EIF4G1: variants seen among roughly 807,000 people sequenced by gnomAD.
EIF4G1 encodes eukaryotic translation initiation factor 4 gamma 1, also known as EIF4-gamma.
Under a neutral mutation model 187.8 loss-of-function variants are expected in EIF4G1, and 4 were observed. That is an observed-to-expected ratio of 0.02 (90% CI 0.01 to 0.05). The LOEUF is 0.05. Ranked by LOEUF, EIF4G1 falls within the 10% of genes least tolerant of loss-of-function variation. The probability of loss-of-function intolerance (pLI) is 1.00; values close to 1 mark genes in which losing one functional copy is unlikely to be tolerated. For missense variants in EIF4G1, 1,647 were observed against 2,081.1 expected, an observed-to-expected ratio of 0.79 and a Z score of 4.06; for synonymous variants, 844 against 781.4, an observed-to-expected ratio of 1.08 and a Z score of -1.34.
chr3:184,325,404 C>T lies in EIF4G1; in HGVS notation c.2961+31C>T, dbSNP rs201771976. ...TGTCCCCCTCCTCCCCACTGCCAGC[C>T]TGCTGCCTCCAGTTTCTGACACTGC... is the stretch of plus-strand genomic sequence containing the variant. On this transcript the variant is annotated intron_variant, in intron 19 of 32. Coordinates refer to ENST00000346169, the MANE Select transcript of EIF4G1 (RefSeq NM_198241.3). The surrounding 1 kb of genome is among the most constrained non-coding windows in gnomAD (Gnocchi z 5.2). 9.9e-6 allele frequency: 16 copies of T among 1,614,152 alleles called. No individual in the cohort carries two copies. In the African/African-American group the frequency reaches 2.1e-4, roughly 22 times the overall value.
chr3:184,315,409 C>G, intron 1 of EIF4G1, 80 bp from the exon 2 acceptor site: 1 of 537,954 alleles, frequency 1.9e-6, no homozygotes, highest in Non-Finnish European at 3.7e-6. Context: ...GAGCCTGGTG[C>G]CAGCGAGACC....
At chr3:184,328,152 G>A (rs1725311114) in intron 26 of EIF4G1, 150 bp downstream of exon 26, 2 of 893,468 alleles carry the variant, frequency 2.2e-6, no homozygotes, top group Non-Finnish European at 3.6e-6. Context: ...GGGAGGCCAA[G>A]GTGGGTTGGA....
Position 184,327,662 on chromosome 3 carries a change from C to T in EIF4G1, c.3738C>T (p.Ser1246=), listed in dbSNP as rs1266594895. ...CTGAGGAGGAGTTAGAGAAGAAATC[C>T]AAGGCTATCATTGAGGAATATCTCC... ...ALSEEELEKK[S]KAIIEEYLHL... Residue 1246 remains serine (S), a synonymous_variant, in exon 25 of 33, where the codon TCC becomes TCT. Coordinates refer to ENST00000346169, the MANE Select transcript of EIF4G1 (RefSeq NM_198241.3). The T allele has an allele frequency of 6.2e-7, 1 of 1,614,204 alleles. No homozygotes were observed. Among genetic ancestry groups the T allele is most frequent in the Non-Finnish European group, 8.5e-7 (1 of 1,180,026 alleles).
chr3:184,328,444 T>G, intron 26 of EIF4G1, 187 bp from the exon 27 acceptor site: 1 of 833,630 alleles, frequency 1.2e-6, no homozygotes, highest in Non-Finnish European at 2.0e-6. Context: ...TCAGCATAAC[T>G]TTAGGGGGTT....
Position 184,327,398 on chromosome 3 carries a change from T to C in EIF4G1, c.3611T>C (p.Leu1204Pro), listed in dbSNP as rs760746597. 109 of 1,613,566 alleles carry C rather than the reference T, an allele frequency of 6.8e-5. No individual in the cohort carries two copies. The highest frequency in any genetic ancestry group is 9.0e-5 in the Non-Finnish European group (106 of 1,180,026). The change falls in exon 24 of 33, where the codon CTG (leucine) becomes CCG (proline). Residue 1204 changes from leucine to proline, a missense_variant. Around this residue, in one of 11 missense-constraint regions of EIF4G1, gnomAD observed 543 missense variants for 638.0 expected, o/e 0.85. Coordinates refer to ENST00000346169, the MANE Select transcript of EIF4G1 (RefSeq NM_198241.3). ...SRERPSQPEG[L>P]RKAASLTEDR... ...GAACGGCCCTCCCAGCCTGAGGGGC[T>C]GCGCAAGGCAGCTAGCCTCACGGAG...
Position 184,321,376 on chromosome 3 carries a change from G to A in EIF4G1, c.792G>A (p.Pro264=), listed in dbSNP as rs368478190. 84 of 1,613,892 alleles carry A rather than the reference G, an allele frequency of 5.2e-5. No individual in the cohort carries two copies. Among genetic ancestry groups the A allele is most frequent in the South Asian group, 1.6e-4 (15 of 91,076 alleles). Residue 264 remains proline (P), a synonymous_variant, in exon 10 of 33, where the codon CCG becomes CCA. Transcript: ENST00000346169. ...AATCCCAGCCTTCGTCGCCTTCTCC[G>A]ACCCCATCACCATCCCCAGTCTTGG... ...PSESQPSSPS[P]TPSPSPVLEP...
At chr3:184,320,243 G>A in intron 7 of EIF4G1, 1 of 1,217,510 alleles carries the variant, frequency 8.2e-7, no homozygotes, top group Non-Finnish European at 1.0e-6. Flanking sequence ...AGTCACCCTG[G>A]CTCCACCTAC....
In EIF4G1 at chr3:184,315,927, A is replaced by G. The variant is rs896301627; in HGVS notation, c.60+71A>G. On this transcript the variant is annotated intron_variant, in intron 3 of 32. Transcript: ENST00000346169. Reference sequence around the variant, plus strand: ...CAGTCTCCAGCCTCTGGATCTTCCTACCCCCATCTGTGTCAGGGCAAAGTG... The same window carrying G: ...CAGTCTCCAGCCTCTGGATCTTCCTGCCCCCATCTGTGTCAGGGCAAAGTG... 3.3e-4 allele frequency: 504 copies of G among 1,513,022 alleles called. 1 individual carries two copies. Among genetic ancestry groups the G allele is most frequent in the Non-Finnish European group, 4.3e-4 (485 of 1,119,948 alleles). The allele number at this position is 1,513,022 out of a possible 1,614,324, so 93.7% of individuals were successfully genotyped here. A position where few individuals can be genotyped will look rare whatever the true frequency, so the allele number is the denominator to read the frequency against.
chr3:184,321,233 C>T (rs544623962), intron 9 of EIF4G1, 49 bp from the exon 10 acceptor site: 1 of 1,608,420 alleles, frequency 6.2e-7, no homozygotes, highest in African/African-American at 1.3e-5. Context: ...GGAACAACAG[C>T]AGTTAAGCAC....
In EIF4G1 at chr3:184,334,833, G is replaced by A. The variant is rs1726835094; in HGVS notation, c.4725G>A (p.Lys1575=). 1 of 1,614,104 alleles carries A rather than the reference G, an allele frequency of 6.2e-7. No individual in the cohort carries two copies. The highest frequency in any genetic ancestry group is 1.7e-5 in the Admixed American group (1 of 60,012). Residue 1575 remains lysine (K), a synonymous_variant, in exon 33 of 33, where the codon AAG becomes AAA. Transcript: ENST00000346169. The surrounding 1 kb of genome is among the most constrained non-coding windows in gnomAD (Gnocchi z 5.8). ...SSKDPAEQQG[K]GVALKSVTAF... ...AGGACCCCGCTGAGCAGCAGGGCAAGGGTGTGGCCCTTAAATCTGTCACAG... is the reference window on the plus strand; with the variant it reads ...AGGACCCCGCTGAGCAGCAGGGCAAAGGTGTGGCCCTTAAATCTGTCACAG...
Position 184,321,738 on chromosome 3 carries a change from C to G in EIF4G1, c.1154C>G (p.Ala385Gly). 1.3e-6 allele frequency: 2 copies of G among 1,598,732 alleles called. No homozygotes were observed. The highest frequency in any genetic ancestry group is 4.5e-5 in the East Asian group (2 of 44,648). ...AGCCCAGAGCTTGCTCCTCCCCCAGCTTGCCCCTCCGAATCCCCTGTGCCC... is the reference window on the plus strand; with the variant it reads ...AGCCCAGAGCTTGCTCCTCCCCCAGGTTGCCCCTCCGAATCCCCTGTGCCC... ...ESSPELAPPP[A>G]CPSESPVPIA... The change falls in exon 10 of 33, where the codon GCT (alanine) becomes GGT (glycine). Residue 385 changes from alanine (A) to glycine (G), a missense_variant. By Grantham distance (60) the Ala-to-Gly change is moderately conservative. Around this residue, in one of 11 missense-constraint regions of EIF4G1, gnomAD observed 522 missense variants for 485.2 expected, o/e 1.08. Transcript: ENST00000346169.
In EIF4G1 at chr3:184,322,961, G is replaced by C; in HGVS notation, c.1929+7G>C. On this transcript the variant is annotated splice_region_variant and intron_variant, in intron 13 of 32. Transcript: ENST00000346169. Reference sequence around the variant, plus strand: ...TGACGTGGTGCTGGACAAGGTTAGTGGCTTCAGTTGGGGAGGGGACGATAA... The same window carrying C: ...TGACGTGGTGCTGGACAAGGTTAGTCGCTTCAGTTGGGGAGGGGACGATAA... The C allele has an allele frequency of 6.2e-7, 1 of 1,614,194 alleles. No homozygotes were observed. Among genetic ancestry groups the C allele is most frequent in the Non-Finnish European group, 8.5e-7 (1 of 1,180,030 alleles).
intron 22 of EIF4G1, 24 bp from the exon 23 acceptor site, chr3:184,326,857 A>G (rs1319102819): frequency 1.9e-6 from 3 of 1,613,480 alleles, no homozygotes; most frequent in Non-Finnish European, 2.5e-6. Context: ...AAAAGATTTT[A>G]ATACGGATTT....
chr3:184,324,470 GT>G (rs940380216), intron 17 of EIF4G1, 123 bp downstream of exon 17: 6 of 1,456,798 alleles, frequency 4.1e-6, no homozygotes, highest in Admixed American at 1.8e-5. Flanking sequence ...GGCTCAGGAC[GT>G]TTTTTTTCCT....
rs558090090 is a variant in EIF4G1 at position 184,323,971 on chromosome 3, C to T, written c.2466C>T (p.Leu822=). 27 of 1,613,818 alleles carry T rather than the reference C, an allele frequency of 1.7e-5. 1 individual carries two copies. The African/African-American group carries it at 2.1e-4, about 13-fold the overall frequency. The change falls in exon 16 of 33, where the codon CTC becomes CTT. Residue 822 remains leucine, a synonymous_variant. Coordinates refer to ENST00000346169, the MANE Select transcript of EIF4G1 (RefSeq NM_198241.3). The surrounding 1 kb of genome is among the most constrained non-coding windows in gnomAD (Gnocchi z 6.9). The part of the protein sequence containing the change: ...SVAYANMCRC[L]MALKVPTTEK... ...CCTATGCCAACATGTGCCGCTGCCT[C>T]ATGGCGGTTAGTTTCCAGTGGGTTC... is the stretch of plus-strand genomic sequence containing the variant.
At chr3:184,330,229 A>G (rs995084937) in intron 28 of EIF4G1, among the ~76,000 whole-genome samples, 5 of 152,140 alleles carry the variant, frequency 3.3e-5, no homozygotes, top group African/African-American at 9.7e-5. Context: ...ATACAAAAAA[A>G]TTAGCTGGAC....
In EIF4G1 at chr3:184,331,371, G is replaced by A. The variant is rs981510541; in HGVS notation, c.4260+7G>A. On this transcript the variant is annotated splice_region_variant and intron_variant, in intron 29 of 32. Transcript: ENST00000346169. ...TGCATTCGTCGCTGAACAGGTTTGG[G>A]GATGGAGTTGGGTTAATTCTAGCAT... The A allele has an allele frequency of 4.3e-6, 7 of 1,614,068 alleles. No homozygotes were observed. Among genetic ancestry groups the A allele is most frequent in the Non-Finnish European group, 5.9e-6 (7 of 1,180,042 alleles).
At position 184,319,674 on chromosome 3, in the gene EIF4G1, C is replaced by A. The variant is rs777071888; in HGVS notation, c.425-15C>A. The A allele has an allele frequency of 8.0e-6, 12 of 1,502,720 alleles. No individual in the cohort carries two copies. The highest frequency in any genetic ancestry group is 1.1e-5 in the Non-Finnish European group (12 of 1,099,256). 93.1% of individuals were successfully genotyped at this position (1,502,720 alleles called of 1,614,324 possible). A position where few individuals can be genotyped will look rare whatever the true frequency, so the allele number is the denominator to read the frequency against. On this transcript the variant is annotated splice_polypyrimidine_tract_variant and intron_variant, in intron 6 of 32. Transcript: ENST00000346169. Reference sequence around the variant, plus strand: ...TGACGCTACCACCATTCTTCTCCGTCCCCCCTCCCCCAAGCTGGCGCCTAC... The same window carrying A: ...TGACGCTACCACCATTCTTCTCCGTACCCCCTCCCCCAAGCTGGCGCCTAC...
chr3:184,326,430 C>G, intron 21 of EIF4G1, 97 bp from the exon 22 acceptor site: 2 of 1,263,378 alleles, frequency 1.6e-6, no homozygotes, highest in Non-Finnish European at 2.3e-6. Flanking sequence ...GACCCCTGGA[C>G]TGGGCCATTC....
Sources: gnomAD v4.1 joint callset for allele counts (sites outside exome capture counted in the v4.1 genomes callset) on GRCh38, gnomAD v4.1.1 for gene constraint, gnomAD v4.1.1 regional missense constraint, Gnocchi (gnomAD v3.1) non-coding constraint, MANE v1.5 for transcripts, NCBI Gene and HGNC (gene_info 2026-07-23, HGNC 2026-07-21) for gene names.